Variants in KCNB2 observed in about 807,000 individuals in gnomAD.
KCNB2 encodes potassium voltage-gated channel subfamily B member 2, also known as delayed rectifier potassium channel protein.
In KCNB2, 15 loss-of-function variants were observed where a neutral mutation model predicts 61.5. The observed-to-expected ratio is 0.24, with a 90% CI of 0.16 to 0.38. The LOEUF (loss-of-function observed/expected upper bound fraction) is 0.38. KCNB2 is among the 10% of genes least tolerant of loss of function. KCNB2 has a pLI of 1.00. For missense variants in KCNB2, 828 were observed against 1,125.2 expected, an observed-to-expected ratio of 0.74 and a Z score of 3.78; for synonymous variants, 457 against 446.0, an observed-to-expected ratio of 1.02 and a Z score of -0.31.
At chr8:72,586,344 TTCTC>T (rs749175114) in intron 2 of KCNB2, among the ~76,000 whole-genome samples, 1 of 152,208 alleles carries the variant, frequency 6.6e-6, no homozygotes, top group Non-Finnish European at 1.5e-5. Flanking sequence ...AAATTAGAAT[TTCTC>T]TATTGTATAC....
intron 2 of KCNB2, among the ~76,000 whole-genome samples, chr8:72,882,114 T>A (rs1186572503): frequency 6.6e-6 from 1 of 151,358 alleles, no homozygotes; most frequent in Non-Finnish European, 1.5e-5. Flanking sequence ...AGTGATCAGG[T>A]GTTATTTAGA....
intron 1 of KCNB2, among the ~76,000 whole-genome samples, chr8:72,544,546 A>G (rs144005364): frequency 7.9e-5 from 12 of 152,330 alleles, no homozygotes; most frequent in African/African-American, 2.4e-4. Flanking sequence ...TGCTTTAAAC[A>G]GGAATGGCGA....
chr8:72,573,119 A>G (rs1806740120), intron 2 of KCNB2, among the ~76,000 whole-genome samples: 1 of 152,202 alleles, frequency 6.6e-6, no homozygotes, highest in African/African-American at 2.4e-5. Flanking sequence ...CTAGTCCCCT[A>G]TTCCAACTAA....
intron 2 of KCNB2, among the ~76,000 whole-genome samples, chr8:72,898,364 G>A (rs183037357): frequency 6.7e-4 from 102 of 152,032 alleles, no homozygotes; most frequent in African/African-American, 2.4e-3. Context: ...AATGGGTGCA[G>A]CACACCAACA....
intron 2 of KCNB2, among the ~76,000 whole-genome samples, chr8:72,736,665 A>G (rs1807851203): frequency 2.0e-5 from 3 of 152,144 alleles, no homozygotes; most frequent in Non-Finnish European, 2.9e-5. Flanking sequence ...TTCAGTCTCT[A>G]TCTAACAAGA....
intron 2 of KCNB2, among the ~76,000 whole-genome samples, chr8:72,808,318 T>A (rs1809255858): frequency 6.6e-6 from 1 of 152,202 alleles, no homozygotes. Context: ...TTTTGAATAT[T>A]TTTTGAAGCT....
At chr8:72,721,122 T>A (rs1408690371) in intron 2 of KCNB2, among the ~76,000 whole-genome samples, 1 of 152,212 alleles carries the variant, frequency 6.6e-6, no homozygotes, top group Non-Finnish European at 1.5e-5. Flanking sequence ...AAAGATACAC[T>A]AAAAAAACTG....
At chr8:72,680,274 G>A (rs977985659) in intron 2 of KCNB2, among the ~76,000 whole-genome samples, 3 of 152,158 alleles carry the variant, frequency 2.0e-5, no homozygotes, top group Non-Finnish European at 4.4e-5. Context: ...AGATGGGTTA[G>A]GGGGATGGAG....
intron 2 of KCNB2, among the ~76,000 whole-genome samples, chr8:72,739,440 C>T (rs2128994362): frequency 6.6e-6 from 1 of 151,918 alleles, no homozygotes; most frequent in Admixed American, 6.6e-5. Context: ...GGGTTAAAGA[C>T]ATAGATACAA....
At chr8:72,760,708 C>T (rs980158653) in intron 2 of KCNB2, among the ~76,000 whole-genome samples, 11 of 152,278 alleles carry the variant, frequency 7.2e-5, no homozygotes, top group African/African-American at 2.6e-4. Context: ...CAGTTAGCAG[C>T]ATATACTAAG....
intron 2 of KCNB2, among the ~76,000 whole-genome samples, chr8:72,742,285 AT>A (rs1807973006): frequency 1.3e-5 from 2 of 152,182 alleles, no homozygotes; most frequent in Non-Finnish European, 2.9e-5. Flanking sequence ...CTTGAAGTAC[AT>A]TCTTTAGTAA....
chr8:72,848,432 A>G (rs567670850), intron 2 of KCNB2, among the ~76,000 whole-genome samples: 16 of 152,074 alleles, frequency 1.1e-4, no homozygotes, highest in African/African-American at 3.6e-4. Flanking sequence ...TTATTTGTAA[A>G]GAATAATAAT....
intron 2 of KCNB2, among the ~76,000 whole-genome samples, chr8:72,591,931 A>G (rs1413710820): frequency 2.0e-5 from 3 of 152,204 alleles, no homozygotes; most frequent in East Asian, 1.9e-4. Context: ...ATAAGTTTAC[A>G]TAACTAAAAA....
At chr8:72,714,116 A>C (rs1807377353) in intron 2 of KCNB2, among the ~76,000 whole-genome samples, 1 of 152,236 alleles carries the variant, frequency 6.6e-6, no homozygotes, top group Non-Finnish European at 1.5e-5. Context: ...GAGAAAAAAG[A>C]ATGAAAAGGA....
chr8:72,714,915 C>T (rs1486180667), intron 2 of KCNB2, among the ~76,000 whole-genome samples: 1 of 152,122 alleles, frequency 6.6e-6, no homozygotes, highest in Non-Finnish European at 1.5e-5. Flanking sequence ...TCAGGAAACC[C>T]ATCTCACGTG....
chr8:72,599,294 G>A (rs949260280), intron 2 of KCNB2, among the ~76,000 whole-genome samples: 17 of 151,994 alleles, frequency 1.1e-4, no homozygotes, highest in South Asian at 2.1e-4. Context: ...AAATAATGCC[G>A]CATATCTACA....
At chr8:72,543,670 C>T (rs1163387688) in intron 1 of KCNB2, among the ~76,000 whole-genome samples, 4 of 152,168 alleles carry the variant, frequency 2.6e-5, no homozygotes, top group Non-Finnish European at 1.5e-5. Context: ...AGGGTCTAGT[C>T]ACAGATAACA....
At chr8:72,561,160 A>AT (rs757402090) in intron 1 of KCNB2, among the ~76,000 whole-genome samples, 2,092 of 142,950 alleles carry the variant, frequency 0.015, 21 homozygotes, top group East Asian at 0.036. Flanking sequence ...AAAAGTTCTA[A>AT]TTTTTTTTTT....
intron 2 of KCNB2, among the ~76,000 whole-genome samples, chr8:72,699,877 A>C (rs532077204): frequency 4.6e-5 from 7 of 152,188 alleles, no homozygotes; most frequent in Non-Finnish European, 1.0e-4. Flanking sequence ...TCATTCTACC[A>C]TAAAGACACA....
Sources: gnomAD v4.1 joint callset for allele counts (sites outside exome capture counted in the v4.1 genomes callset) on GRCh38, gnomAD v4.1.1 for gene constraint, MANE v1.5 for transcripts, NCBI Gene and HGNC (gene_info 2026-07-23, HGNC 2026-07-21) for gene names.